TENM1: variants seen among roughly 807,000 people sequenced by gnomAD.
TENM1 encodes teneurin-1.
A neutral mutation model predicts 174.8 loss-of-function variants in TENM1; 35 were observed. That is an observed-to-expected ratio of 0.20 (90% confidence interval 0.15 to 0.27). TENM1 has a LOEUF of 0.27. Among genes scored for constraint, TENM1 ranks in the 10% least tolerant of loss-of-function variants. The pLI is 1.00. For missense variants in TENM1, 1,633 were observed against 2,130.1 expected (o/e 0.77, Z 4.59); for synonymous variants, 781 against 798.7 (o/e 0.98, Z 0.37).
chrX:124,613,681 A>G (rs1486103551), intron 11 of TENM1, among the ~76,000 whole-genome samples: 1 of 111,406 alleles, frequency 9.0e-6, no homozygotes, highest in Non-Finnish European at 1.9e-5. Context: ...CTTTTCCTCA[A>G]TGTTTTTTTC....
chrX:124,874,502 T>C (rs7886677), intron 3 of TENM1, among the ~76,000 whole-genome samples: 2,601 of 110,299 alleles, frequency 0.024, 72 homozygotes, highest in African/African-American at 0.081. Flanking sequence ...ACTGTCTCTG[T>C]ATGCTACACA....
chrX:125,155,415 T>A, the TENM1 span, among the ~76,000 whole-genome samples: 40 of 112,233 alleles, frequency 3.6e-4, no homozygotes, highest in East Asian at 0.01. Flanking sequence ...ACCCAGTGGA[T>A]CTCGTACTGG....
At chrX:124,491,606 AC>A (rs1404029496) in intron 20 of TENM1, among the ~76,000 whole-genome samples, 2 of 110,640 alleles carry the variant, frequency 1.8e-5, no homozygotes, top group Non-Finnish European at 1.9e-5. Flanking sequence ...GCAAAGGGGT[AC>A]TATATACTTA....
intron 11 of TENM1, among the ~76,000 whole-genome samples, chrX:124,569,367 A>G (rs905740453): frequency 1.8e-5 from 2 of 112,302 alleles, no homozygotes; most frequent in Non-Finnish European, 1.9e-5. Context: ...CAAATCAGAA[A>G]GAATATGAAA....
chrX:125,189,272 A>G, the TENM1 span, among the ~76,000 whole-genome samples: 1 of 111,783 alleles, frequency 8.9e-6, no homozygotes, highest in Non-Finnish European at 1.9e-5. Context: ...AACATGTACA[A>G]CTTCCCTCAC....
intron 22 of TENM1, among the ~76,000 whole-genome samples, chrX:124,471,277 T>C (rs1190855656): frequency 4.5e-5 from 2 of 44,609 alleles, no homozygotes; most frequent in Admixed American, 7.8e-4. Context: ...TAGTACTATA[T>C]ATAATATATA....
chrX:124,563,786 G>A lies in TENM1; in HGVS notation c.2264-14C>T. ...CTAAGTAGTGAGCTAAAAGGGAGGG[G>A]AAAAGAGTGATCAAATGAATTTCTG... is the stretch of plus-strand genomic sequence containing the variant. On this transcript the variant is annotated splice_polypyrimidine_tract_variant and intron_variant, in intron 12 of 31. Coordinates refer to ENST00000422452, the Ensembl canonical transcript of TENM1. The A allele has an allele frequency of 8.4e-7, 1 of 1,186,156 alleles. No individual in the cohort carries two copies. The highest frequency in any genetic ancestry group is 1.7e-5 in the African/African-American group (1 of 57,181).
chrX:124,776,187 G>C (rs979518079), intron 3 of TENM1, among the ~76,000 whole-genome samples: 5 of 111,602 alleles, frequency 4.5e-5, no homozygotes, highest in African/African-American at 1.6e-4. Flanking sequence ...TACAAAGAAG[G>C]AGACTTTACC....
At chrX:124,585,783 C>T (rs2049487874) in intron 11 of TENM1, among the ~76,000 whole-genome samples, 2 of 111,596 alleles carry the variant, frequency 1.8e-5, no homozygotes, top group Admixed American at 9.5e-5. Flanking sequence ...AACTGATAGA[C>T]CGCTAGCCAG....
chrX:124,991,739 C>T, the TENM1 span, among the ~76,000 whole-genome samples: 1 of 110,228 alleles, frequency 9.1e-6, no homozygotes, highest in Non-Finnish European at 1.9e-5. Flanking sequence ...TTCAATGCTC[C>T]CACCCCCATT....
In TENM1 at chrX:124,803,984, A is replaced by G. The variant is rs142767811; in HGVS notation, c.536-66787T>C. Among the ~76,000 whole-genome samples the G allele has an allele frequency of 2.1e-3, 232 of 112,115 alleles. 2 individuals carry two copies. Among genetic ancestry groups the G allele is most frequent in the Admixed American group, 0.014 (151 of 10,605 alleles). ...ACTAAGATGTATACATGTATTTTAA[A>G]TTTTATAGGTGATATAACTGTGTTC... On this transcript the variant is annotated intron_variant, in intron 3 of 31. Coordinates refer to ENST00000422452, the Ensembl canonical transcript of TENM1.
At chrX:125,072,826 C>T in the TENM1 span, among the ~76,000 whole-genome samples, 27 of 111,654 alleles carry the variant, frequency 2.4e-4, no homozygotes, top group East Asian at 5.6e-4. Flanking sequence ...TATGCTCTTA[C>T]GCTACATTCA....
the TENM1 span, among the ~76,000 whole-genome samples, chrX:125,087,380 G>C: frequency 2.7e-5 from 3 of 110,680 alleles, no homozygotes; most frequent in Admixed American, 2.9e-4. Flanking sequence ...GAAAATCATT[G>C]GTCACAAATT....
intron 10 of TENM1, among the ~76,000 whole-genome samples, chrX:124,643,389 T>C (rs2051067701): frequency 9.0e-6 from 1 of 110,626 alleles, no homozygotes; most frequent in Non-Finnish European, 1.9e-5. Context: ...AAAAAGGGTG[T>C]GTTGGGAGCA....
At position 124,804,401 on chromosome X, in the gene TENM1, G is replaced by A. The variant is rs151038829; in HGVS notation, c.536-67204C>T. On this transcript the variant is annotated intron_variant, in intron 3 of 31. Coordinates refer to ENST00000422452, the Ensembl canonical transcript of TENM1. ...AGCCCAAGTGGCCTCCTATAATAAC[G>A]GCCCAGTTCCTGGCTTAATACCTTG... Among the ~76,000 whole-genome samples, 799 of 111,619 alleles carry A rather than the reference G, an allele frequency of 7.2e-3. 10 individuals carry two copies. Among genetic ancestry groups the A allele is most frequent in the African/African-American group, 0.025 (763 of 30,763 alleles).
chrX:125,027,026 T>C, the TENM1 span, among the ~76,000 whole-genome samples: 1 of 111,914 alleles, frequency 8.9e-6, no homozygotes, highest in East Asian at 2.8e-4. Context: ...AAACACCCAC[T>C]TTCATCATTT....
the TENM1 span, among the ~76,000 whole-genome samples, chrX:125,155,590 C>T: frequency 8.9e-6 from 1 of 112,163 alleles, no homozygotes; most frequent in Admixed American, 9.3e-5. Flanking sequence ...GAGGCTCAGG[C>T]ATGGCGGGCT....
chrX:124,788,429 C>A (rs1385458070), intron 3 of TENM1, among the ~76,000 whole-genome samples: 1 of 111,854 alleles, frequency 8.9e-6, no homozygotes, highest in Non-Finnish European at 1.9e-5. Context: ...AGTCTCAACG[C>A]ATTTCGACAT....
the TENM1 span, among the ~76,000 whole-genome samples, chrX:125,139,858 G>GGAGAGA: frequency 3.8e-4 from 34 of 89,916 alleles, no homozygotes; most frequent in African/African-American, 1.3e-3. Flanking sequence ...ACACACACAC[G>GGAGAGA]GAGAGAGAGA....
Sources: allele counts gnomAD v4.1 joint callset (sites outside exome capture counted in the v4.1 genomes callset), GRCh38; gene constraint gnomAD v4.1.1; transcripts MANE v1.5; gene names NCBI Gene and HGNC (gene_info 2026-07-23, HGNC 2026-07-21).